The following CWC27 variants were observed in gnomAD, a reference collection of about 807,000 sequenced individuals.
CWC27 encodes CWC27 spliceosome associated cyclophilin, also known as spliceosome-associated protein CWC27 homolog.
Under a neutral mutation model 63.6 loss-of-function variants are expected in CWC27, and 47 were observed. That is an observed-to-expected ratio of 0.74 (90% CI 0.58 to 0.94). The LOEUF (loss-of-function observed/expected upper bound fraction) is 0.94, where lower values mean the gene tolerates loss of function less well. Among genes scored for constraint, CWC27 ranks in the 40% least tolerant of loss-of-function variants. The pLI, the probability that CWC27 is intolerant of heterozygous loss-of-function variation, is 0.00. For synonymous variants in CWC27, 175 were observed against 179.8 expected (o/e 0.97, Z 0.22); for missense variants, 495 against 554.3 (o/e 0.89, Z 1.07).
chr5:64,780,986 T>G (rs1743666083), intron 2 of CWC27, among the ~76,000 whole-genome samples: 2 of 152,184 alleles, frequency 1.3e-5, no homozygotes, highest in South Asian at 4.1e-4. Flanking sequence ...GTAAATTCTC[T>G]TATTCAGGCA....
intron 11 of CWC27, among the ~76,000 whole-genome samples, chr5:64,948,321 A>T (rs936590596): frequency 2.0e-5 from 3 of 151,998 alleles, no homozygotes; most frequent in African/African-American, 4.8e-5. Context: ...GATATTTCAA[A>T]TTTTTTTGTA....
intron 11 of CWC27, among the ~76,000 whole-genome samples, chr5:64,958,525 G>A (rs185016742): frequency 1.3e-5 from 2 of 152,188 alleles, no homozygotes; most frequent in Admixed American, 6.5e-5. Context: ...GCATTCAGTA[G>A]CATGTAAATA....
chr5:65,001,324 G>A (rs1749727837), intron 13 of CWC27, among the ~76,000 whole-genome samples: 1 of 152,072 alleles, frequency 6.6e-6, no homozygotes, highest in South Asian at 2.1e-4. Flanking sequence ...TATCTTGCCT[G>A]ATTGCTCTGA....
At chr5:64,780,564 T>G (rs1743637973) in intron 2 of CWC27, among the ~76,000 whole-genome samples, 1 of 148,258 alleles carries the variant, frequency 6.7e-6, no homozygotes, top group Admixed American at 6.8e-5. Context: ...TCAAACAATA[T>G]ATATCAAAAT....
intron 11 of CWC27, among the ~76,000 whole-genome samples, chr5:64,939,300 C>T (rs544762854): frequency 6.6e-6 from 1 of 152,140 alleles, no homozygotes; most frequent in South Asian, 2.1e-4. Context: ...GTCTTGTCGG[C>T]GTCCTTTTTG....
At chr5:64,928,991 A>C (rs779710449) in intron 11 of CWC27, among the ~76,000 whole-genome samples, 4 of 151,900 alleles carry the variant, frequency 2.6e-5, no homozygotes, top group African/African-American at 4.8e-5. Flanking sequence ...TACTATAGAC[A>C]TACTAATTAT....
intron 11 of CWC27, among the ~76,000 whole-genome samples, chr5:64,920,531 G>T (rs1488679015): frequency 6.6e-6 from 1 of 152,134 alleles, no homozygotes; most frequent in African/African-American, 2.4e-5. Context: ...TTTTGGAAAA[G>T]GTACTAGCTC....
chr5:64,879,013 G>A (rs773845588), intron 10 of CWC27, among the ~76,000 whole-genome samples: 55 of 151,890 alleles, frequency 3.6e-4, no homozygotes, highest in Non-Finnish European at 1.3e-4. Context: ...CTGGAGGCAC[G>A]TAGACCAAGT....
rs1236401363 is a variant in CWC27 at position 64,933,497 on chromosome 5, T to C, written c.1043-38206T>C. 1.0e-4 allele frequency among the ~76,000 whole-genome samples: 14 copies of C among 134,852 alleles called. No homozygotes were observed. The South Asian group carries it at 2.6e-3, about 25-fold the overall frequency. 88.5% of individuals were successfully genotyped at this position (134,852 alleles called of 152,430 possible). A position where few individuals can be genotyped will look rare whatever the true frequency, so the allele number is the denominator to read the frequency against. ...TATGTACATACATTTTTCTTTCTCT[T>C]TTTTTTTTTTTTTTTGAGACGGAGT... On this transcript the variant is annotated intron_variant, in intron 11 of 13. Coordinates refer to ENST00000381070, the MANE Select transcript of CWC27 (RefSeq NM_005869.4).
At chr5:64,986,736 AC>A (rs1274346198) in intron 13 of CWC27, among the ~76,000 whole-genome samples, 1 of 151,318 alleles carries the variant, frequency 6.6e-6, no homozygotes, top group African/African-American at 2.4e-5. Context: ...GCTAATCCAC[AC>A]TCAGCTTCCT....
intron 11 of CWC27, among the ~76,000 whole-genome samples, chr5:64,901,228 G>A (rs1310275196): frequency 6.6e-6 from 1 of 151,952 alleles, no homozygotes; most frequent in Non-Finnish European, 1.5e-5. Flanking sequence ...CATAGAAAAG[G>A]TACAGTAAAA....
rs139771442 is a variant in CWC27, at chr5:64,888,740, G to A, written c.1042+3194G>A. On this transcript the variant is annotated intron_variant, in intron 11 of 13. Transcript: ENST00000381070. ...TATTAGAACACCACAGTAAATAACTGTTGCCAATAAGCAAGATCTACCATC... is the reference window on the plus strand; with the variant it reads ...TATTAGAACACCACAGTAAATAACTATTGCCAATAAGCAAGATCTACCATC... 2.0e-4 allele frequency among the ~76,000 whole-genome samples: 31 copies of A among 152,032 alleles called. No individual in the cohort carries two copies. The East Asian group carries it at 5.6e-3, about 27-fold the overall frequency.
intron 10 of CWC27, among the ~76,000 whole-genome samples, chr5:64,841,250 A>G (rs1745827228): frequency 6.6e-6 from 1 of 152,204 alleles, no homozygotes. Context: ...AGGGTGCAAG[A>G]CAGAGGGAGG....
At chr5:64,959,675 T>C (rs1748866495) in intron 11 of CWC27, among the ~76,000 whole-genome samples, 1 of 152,200 alleles carries the variant, frequency 6.6e-6, no homozygotes, top group Admixed American at 6.5e-5. Context: ...CAACCATCTA[T>C]TGAAAAAGTA....
At chr5:64,846,819 C>A (rs1279176123) in intron 10 of CWC27, among the ~76,000 whole-genome samples, 1 of 151,786 alleles carries the variant, frequency 6.6e-6, no homozygotes, top group Non-Finnish European at 1.5e-5. Flanking sequence ...TATGGTGAGA[C>A]CCTATCTCTA....
chr5:64,850,381 C>A (rs554910368), intron 10 of CWC27, among the ~76,000 whole-genome samples: 2 of 152,168 alleles, frequency 1.3e-5, no homozygotes, highest in Non-Finnish European at 2.9e-5. Context: ...AACTGGATAT[C>A]CACATGGAGA....
At chr5:64,915,529 A>G (rs1455531397) in intron 11 of CWC27, among the ~76,000 whole-genome samples, 1 of 152,094 alleles carries the variant, frequency 6.6e-6, no homozygotes, top group African/African-American at 2.4e-5. Flanking sequence ...CATTTCAGCA[A>G]TGCATACAAG....
intron 11 of CWC27, among the ~76,000 whole-genome samples, chr5:64,912,650 A>AAAAAC (rs1274877996): frequency 6.6e-6 from 1 of 152,216 alleles, no homozygotes; most frequent in Non-Finnish European, 1.5e-5. Flanking sequence ...TTGAGTAAGA[A>AAAAAC]AAAACAATGT....
intron 10 of CWC27, among the ~76,000 whole-genome samples, chr5:64,831,475 G>GAGATAGATAGATAGATAGAT (rs3075244): frequency 3.4e-5 from 5 of 148,208 alleles, no homozygotes; most frequent in Admixed American, 6.8e-5. Context: ...TTATTTATTT[G>GAGATAGATAGATAGATAGAT]AGATAGATAG....
Sources: gnomAD v4.1 joint callset for allele counts (sites outside exome capture counted in the v4.1 genomes callset) on GRCh38, gnomAD v4.1.1 for gene constraint, MANE v1.5 for transcripts, NCBI Gene and HGNC (gene_info 2026-07-23, HGNC 2026-07-21) for gene names.